Variants in UNC13A observed in about 807,000 individuals in gnomAD.
The protein encoded by UNC13A is unc-13 homolog A, also known as protein unc-13 homolog A.
In UNC13A, 61 loss-of-function variants were observed where a neutral mutation model predicts 219.7. That is an observed-to-expected ratio of 0.28 (90% confidence interval 0.23 to 0.34). The LOEUF is 0.34. UNC13A is among the 10% of genes least tolerant of loss of function. UNC13A has a pLI of 1.00. For missense variants in UNC13A, 1,476 were observed against 2,270.3 expected (o/e 0.65, Z 7.11); for synonymous variants, 920 against 884.6 (o/e 1.04, Z -0.71).
intron 36 of UNC13A, 191 bp downstream of exon 36, chr19:17,623,351 T>C (rs1599341629): frequency 9.8e-6 from 5 of 508,242 alleles, no homozygotes; most frequent in Admixed American, 3.7e-5. Flanking sequence ...GGGCGTGGTC[T>C]CCCTCCCTCC....
intron 3 of UNC13A, among the ~76,000 whole-genome samples, chr19:17,673,112 C>A (rs2079821226): frequency 6.6e-6 from 1 of 152,154 alleles, no homozygotes; most frequent in African/African-American, 2.4e-5. Context: ...AATCCCAGCA[C>A]TTTGGGAGGC....
At chr19:17,630,475 T>C (rs1333159362) in intron 29 of UNC13A, among the ~76,000 whole-genome samples, 179 bp downstream of exon 29, 1 of 152,136 alleles carries the variant, frequency 6.6e-6, no homozygotes, top group Non-Finnish European at 1.5e-5. Context: ...CCTGGAGGTG[T>C]CCGGCTTGAT....
chr19:17,648,400 C>G (rs752684136), intron 16 of UNC13A, 31 bp downstream of exon 16: 5 of 1,511,200 alleles, frequency 3.3e-6, no homozygotes, highest in Non-Finnish European at 4.4e-6. Flanking sequence ...CCACGCCAAC[C>G]CGTGGCCCTG....
Position 17,636,101 on chromosome 19 carries a change from G to A in UNC13A, c.3138C>T (p.Asp1046=). The change falls in exon 26 of 44, where the codon GAC becomes GAT. Residue 1046 remains aspartate (D), a synonymous_variant. Transcript: ENST00000519716. The part of the protein sequence containing the change: ...EEQGPSIKNL[D]FWSKLITLIV... ...TGAGGGTAATCAGCTTGGACCAGAA[G>A]TCGAGGTTCTTGATGCTGGGCCCCT... 1 of 1,610,250 alleles carries A rather than the reference G, an allele frequency of 6.2e-7. No individual in the cohort carries two copies.
chr19:17,655,611 C>T (rs962656016), intron 10 of UNC13A, among the ~76,000 whole-genome samples: 3 of 152,186 alleles, frequency 2.0e-5, no homozygotes, highest in African/African-American at 7.2e-5. Context: ...TTTCACCAGC[C>T]CAGCCCCTCT....
At position 17,649,668 on chromosome 19, in the gene UNC13A, C is replaced by G. The variant is rs2079308826; in HGVS notation, c.1440-81G>C. 6.5e-7 allele frequency: 1 copy of G among 1,528,770 alleles called. No homozygotes were observed. Among genetic ancestry groups the G allele is most frequent in the Non-Finnish European group, 9.1e-7 (1 of 1,104,164 alleles). 94.7% of individuals were successfully genotyped at this position (1,528,770 alleles called of 1,614,324 possible). A position where few individuals can be genotyped will look rare whatever the true frequency, so the allele number is the denominator to read the frequency against. On this transcript the variant is annotated intron_variant, in intron 12 of 43. Coordinates refer to ENST00000519716, the MANE Select transcript of UNC13A (RefSeq NM_001080421.3). This position sits in a 1 kb window ranked among gnomAD's most constrained non-coding sequence, Gnocchi z 4.4. The stretch of plus-strand genomic sequence containing the variant: ...CCCTGGGGAGAACATTCAACCTCCC[C>G]CAGGTGTTAAGGGGTTGAATTGGGT...
rs574071538 is a variant in UNC13A at position 17,626,374 on chromosome 19, G to A, written c.4073+259C>T. On this transcript the variant is annotated intron_variant, in intron 34 of 43. Transcript: ENST00000519716. The stretch of plus-strand genomic sequence containing the variant: ...TAAACATTTATCTTTTAATCCATGC[G>A]TCCACCCACCTACCCATCCCTCATG... 2.4e-4 allele frequency: 100 copies of A among 421,476 alleles called. No individual in the cohort carries two copies. In the South Asian group the frequency reaches 3.7e-3, roughly 15 times the overall value. The allele number at this position is 421,476 out of a possible 1,614,324, so 26.1% of individuals were successfully genotyped here. A position where few individuals can be genotyped will look rare whatever the true frequency, so the allele number is the denominator to read the frequency against.
At chr19:17,617,934 C>G in intron 40 of UNC13A, 85 bp from the exon 41 acceptor site, 1 of 1,520,766 alleles carries the variant, frequency 6.6e-7, no homozygotes, top group South Asian at 1.2e-5. Context: ...GTCCCCACTC[C>G]CAATTCTTCC....
intron 7 of UNC13A, 58 bp downstream of exon 7, chr19:17,666,592 G>C (rs900136537): frequency 1.5e-6 from 2 of 1,331,496 alleles, no homozygotes; most frequent in African/African-American, 1.5e-5. Context: ...ACAGTCATGG[G>C]GTAGGGGAGG....
chr19:17,627,787 GAGC>G lies in UNC13A; in HGVS notation c.3831+73_3831+75del. ...TTCATCCCCAGGCCTGGTGGCATAT[GAGC>G]TCAGGGGCCTGCAGGGACACAGTGG... is the stretch of plus-strand genomic sequence containing the variant. On this transcript the variant is annotated intron_variant, in intron 32 of 43. Transcript: ENST00000519716. The surrounding 1 kb of genome is among the most constrained non-coding windows in gnomAD (Gnocchi z 4.7). 7 of 1,469,370 alleles carry G rather than the reference GAGC, an allele frequency of 4.8e-6. No individual in the cohort carries two copies. The highest frequency in any genetic ancestry group is 6.5e-6 in the Non-Finnish European group (7 of 1,074,598). The allele number at this position is 1,469,370 out of a possible 1,614,324, so 91.0% of individuals were successfully genotyped here. A position where few individuals can be genotyped will look rare whatever the true frequency, so the allele number is the denominator to read the frequency against.
intron 36 of UNC13A, chr19:17,623,249 T>C (rs2076747491): frequency 2.4e-6 from 1 of 423,446 alleles, no homozygotes; most frequent in South Asian, 4.6e-5. Flanking sequence ...ATTCTACCCT[T>C]AGACGGCAGG....
rs376072967 is a variant in UNC13A, at chr19:17,662,836, C to T, written c.559+696G>A. Among the ~76,000 whole-genome samples, 305 of 149,384 alleles carry T rather than the reference C, an allele frequency of 2.0e-3. 1 individual carries two copies. The highest frequency in any genetic ancestry group is 7.3e-3 in the African/African-American group (295 of 40,606). The stretch of plus-strand genomic sequence containing the variant: ...TCGGGAGGCTGAGGCAGGAGAATGG[C>T]GTGAACCCTGGAGGCAGAGCTTGCG... On this transcript the variant is annotated intron_variant, in intron 8 of 43. Transcript: ENST00000519716.
At chr19:17,677,462 C>G (rs1355003132) in intron 1 of UNC13A, among the ~76,000 whole-genome samples, 3 of 151,592 alleles carry the variant, frequency 2.0e-5, no homozygotes, top group African/African-American at 7.3e-5. Context: ...CTCCCAGATT[C>G]AAGCAATTCT....
chr19:17,647,501 G>A lies in UNC13A; in HGVS notation c.1817-9C>T, dbSNP rs760001572. On this transcript the variant is annotated splice_polypyrimidine_tract_variant and intron_variant, in intron 16 of 43. Coordinates refer to ENST00000519716, the MANE Select transcript of UNC13A (RefSeq NM_001080421.3). Reference sequence around the variant, plus strand: ...GCTCTTCTCCGCAGCCCCTGAGGACGCCCGAGGCCGGCGCTGACCCCAGCG... The same window carrying A: ...GCTCTTCTCCGCAGCCCCTGAGGACACCCGAGGCCGGCGCTGACCCCAGCG... 6.2e-6 allele frequency: 10 copies of A among 1,609,680 alleles called. No homozygotes were observed. The Admixed American group carries it at 1.0e-4, about 16-fold the overall frequency.
At chr19:17,610,503 G>C (rs914805425) in intron 42 of UNC13A, among the ~76,000 whole-genome samples, 2 of 151,964 alleles carry the variant, frequency 1.3e-5, no homozygotes, top group African/African-American at 4.8e-5. Context: ...CCCCTCGCCC[G>C]CCGCCAAAAA....
chr19:17,655,654 C>T (rs898446841), intron 10 of UNC13A, among the ~76,000 whole-genome samples: 3 of 151,676 alleles, frequency 2.0e-5, no homozygotes, highest in Admixed American at 6.6e-5. Flanking sequence ...TTGACCTCTC[C>T]GACCCCAGCA....
intron 1 of UNC13A, among the ~76,000 whole-genome samples, chr19:17,683,222 C>T: frequency 6.6e-6 from 1 of 152,176 alleles, no homozygotes; most frequent in Non-Finnish European, 1.5e-5. Flanking sequence ...ACCTCTGGCT[C>T]TGTTCCACCA....
At chr19:17,607,712 T>A (rs2144907450) in intron 43 of UNC13A, among the ~76,000 whole-genome samples, 1 of 151,082 alleles carries the variant, frequency 6.6e-6, no homozygotes, top group South Asian at 2.1e-4. Context: ...GCCTCCCAGG[T>A]AGCTGGGACT....
intron 42 of UNC13A, 110 bp from the exon 43 acceptor site, chr19:17,610,209 T>A: frequency 6.9e-7 from 1 of 1,453,396 alleles, no homozygotes; most frequent in Non-Finnish European, 9.4e-7. Context: ...CTCACGCTTG[T>A]AATCCCACCA....
Sources: allele counts gnomAD v4.1 joint callset (sites outside exome capture counted in the v4.1 genomes callset), GRCh38; gene constraint gnomAD v4.1.1; non-coding constraint Gnocchi (gnomAD v3.1); transcripts MANE v1.5; gene names NCBI Gene and HGNC (gene_info 2026-07-23, HGNC 2026-07-21).